Variants in SHTN1 observed in about 807,000 individuals in gnomAD.
SHTN1 encodes the protein shootin 1, also known as shootin-1.
A neutral mutation model predicts 83.1 loss-of-function variants in SHTN1; 42 were observed. The observed-to-expected ratio is 0.51, with a 90% confidence interval of 0.39 to 0.65. The LOEUF (loss-of-function observed/expected upper bound fraction) is 0.65, where lower values mean the gene tolerates loss of function less well. Among genes scored for constraint, SHTN1 ranks in the 30% least tolerant of loss-of-function variants. The pLI, the probability that SHTN1 is intolerant of heterozygous loss-of-function variation, is 0.00. For missense variants in SHTN1, 622 were observed against 737.8 expected (o/e 0.84, Z 1.82); for synonymous variants, 224 against 247.7 (o/e 0.90, Z 0.90).
chr10:117,044,456 A>G (rs1431010915), intron 2 of SHTN1, among the ~76,000 whole-genome samples: 2 of 152,226 alleles, frequency 1.3e-5, no homozygotes, highest in Admixed American at 1.3e-4. Flanking sequence ...CATTGTTAAC[A>G]ATGATGTAAT....
chr10:116,986,816 C>A (rs1589871239), intron 1 of SHTN1, among the ~76,000 whole-genome samples: 1 of 149,974 alleles, frequency 6.7e-6, no homozygotes, highest in Middle Eastern at 3.4e-3. Context: ...GCAACTTCTG[C>A]CTTCCGGGTT....
chr10:116,968,942 C>T (rs988323375), intron 2 of SHTN1, among the ~76,000 whole-genome samples: 1 of 152,224 alleles, frequency 6.6e-6, no homozygotes, highest in Admixed American at 6.5e-5. Context: ...TATAAGTCAC[C>T]TTCCTGCTCA....
At chr10:116,952,587 T>C (rs1469017073) in intron 5 of SHTN1, among the ~76,000 whole-genome samples, 1 of 152,176 alleles carries the variant, frequency 6.6e-6, no homozygotes, top group African/African-American at 2.4e-5. Context: ...TATTTCATAG[T>C]TTTATTATTA....
chr10:116,935,061 T>G (rs200182827), intron 9 of SHTN1, among the ~76,000 whole-genome samples: 1 of 152,232 alleles, frequency 6.6e-6, no homozygotes, highest in East Asian at 1.9e-4. Flanking sequence ...AAGGAGATTT[T>G]GGGCTGAAAC....
At chr10:116,978,820 T>C (rs895290279) in intron 2 of SHTN1, among the ~76,000 whole-genome samples, 2 of 152,180 alleles carry the variant, frequency 1.3e-5, no homozygotes, top group South Asian at 2.1e-4. Flanking sequence ...AGCAGACATA[T>C]AAAGATTTAT....
intron 1 of SHTN1, among the ~76,000 whole-genome samples, chr10:116,991,110 C>T (rs1026088498): frequency 6.6e-6 from 1 of 151,880 alleles, no homozygotes; most frequent in Admixed American, 6.5e-5. Context: ...CGCTTGAACC[C>T]GGGAGGCGGA....
chr10:116,898,098 T>A (rs1460638004), intron 16 of SHTN1, among the ~76,000 whole-genome samples: 1 of 152,014 alleles, frequency 6.6e-6, no homozygotes, highest in Admixed American at 6.6e-5. Context: ...GAGGCTGAGG[T>A]GGGTGGATCA....
At chr10:117,103,831 C>T (rs375315711) in intron 1 of SHTN1, among the ~76,000 whole-genome samples, 9 of 151,922 alleles carry the variant, frequency 5.9e-5, no homozygotes, top group African/African-American at 1.2e-4. Context: ...CCACCGCACA[C>T]GGCCAATGTT....
At chr10:116,887,377 G>A (rs1008561445) in intron 16 of SHTN1, among the ~76,000 whole-genome samples, 8 of 152,190 alleles carry the variant, frequency 5.3e-5, no homozygotes, top group Admixed American at 4.6e-4. Flanking sequence ...GCGGCCTGAA[G>A]GTGGAGGCAG....
chr10:116,980,470 T>G (rs2133483529), intron 1 of SHTN1, among the ~76,000 whole-genome samples: 1 of 152,132 alleles, frequency 6.6e-6, no homozygotes, highest in Non-Finnish European at 1.5e-5. Flanking sequence ...AATTTTTAAA[T>G]TTCTTGTAGA....
intron 4 of SHTN1, among the ~76,000 whole-genome samples, chr10:116,959,691 T>C (rs1850110528): frequency 6.6e-6 from 1 of 152,218 alleles, no homozygotes. Flanking sequence ...TGCCCTCGCT[T>C]TGCTTTCATA....
At chr10:117,100,646 C>T (rs1232373849) in intron 1 of SHTN1, among the ~76,000 whole-genome samples, 1 of 152,156 alleles carries the variant, frequency 6.6e-6, no homozygotes, top group Non-Finnish European at 1.5e-5. Flanking sequence ...CTCAAAAGCA[C>T]AGGCTGAAAG....
chr10:116,964,898 G>A (rs190834384), intron 3 of SHTN1, among the ~76,000 whole-genome samples: 24 of 152,134 alleles, frequency 1.6e-4, no homozygotes, highest in Non-Finnish European at 2.2e-4. Context: ...CCCAGGAGGC[G>A]GAGGTTGCAG....
At position 116,883,377 on chromosome 10, in the gene SHTN1, G is replaced by C. The variant is rs1026169154; in HGVS notation, c.*2967C>G. 1.3e-5 allele frequency: 2 copies of C among 152,172 alleles called. No homozygotes were observed. Among genetic ancestry groups the C allele is most frequent in the African/African-American group, 4.8e-5 (2 of 41,440 alleles). 9.4% of individuals were successfully genotyped at this position (152,172 alleles called of 1,614,324 possible). ...ACCAAATTAAAATGACTGTGGGATA[G>C]GGACATGTTAGTGCTTGGAAGAGAA... is the stretch of plus-strand genomic sequence containing the variant. On this transcript the variant is annotated 3_prime_UTR_variant, in exon 17 of 17. Transcript: ENST00000355371.
chr10:117,060,187 C>A (rs1003217311), intron 1 of SHTN1, among the ~76,000 whole-genome samples: 2 of 152,072 alleles, frequency 1.3e-5, no homozygotes, highest in African/African-American at 4.8e-5. Flanking sequence ...CATGCCACTG[C>A]ACTCTAGCCT....
At chr10:116,947,720 G>C (rs1404962335) in intron 7 of SHTN1, among the ~76,000 whole-genome samples, 1 of 152,148 alleles carries the variant, frequency 6.6e-6, no homozygotes, top group Non-Finnish European at 1.5e-5. Flanking sequence ...AAAGAAATCA[G>C]GTTGGTCCTA....
intron 1 of SHTN1, among the ~76,000 whole-genome samples, chr10:117,091,383 A>C (rs1340590113): frequency 2.6e-5 from 4 of 152,236 alleles, no homozygotes; most frequent in Non-Finnish European, 5.9e-5. Context: ...TCACACAGTC[A>C]AAAAGGAAAG....
chr10:117,062,091 G>A (rs1852912853), intron 1 of SHTN1, among the ~76,000 whole-genome samples: 1 of 152,134 alleles, frequency 6.6e-6, no homozygotes, highest in African/African-American at 2.4e-5. Context: ...TTCCCTTCCC[G>A]TCACTGTGGC....
chr10:116,900,166 TTTTA>T (rs1204893705), intron 16 of SHTN1: 9 of 187,984 alleles, frequency 4.8e-5, no homozygotes, highest in Admixed American at 4.6e-4. Flanking sequence ...GCATCAGTTA[TTTTA>T]TTTAGCTAAA....
Sources: allele counts gnomAD v4.1 joint callset (sites outside exome capture counted in the v4.1 genomes callset), GRCh38; gene constraint gnomAD v4.1.1; transcripts MANE v1.5; gene names NCBI Gene and HGNC (gene_info 2026-07-23, HGNC 2026-07-21).